Variants in DBX2 observed in about 807,000 individuals in gnomAD.
The protein encoded by DBX2 is homeobox protein DBX2.
In DBX2, 16 loss-of-function variants were observed where a neutral mutation model predicts 17.7. That is an observed-to-expected ratio of 0.90 (90% CI 0.61 to 1.37). The LOEUF (loss-of-function observed/expected upper bound fraction) is 1.37. DBX2 is among the 40% of genes most tolerant of loss of function. The pLI is 0.00. For synonymous variants in DBX2, 255 were observed against 183.8 expected (o/e 1.39, Z -3.13); for missense variants, 538 against 433.8 (o/e 1.24, Z -2.13).
chr12:45,048,126 A>T (rs1452336498), intron 1 of DBX2, among the ~76,000 whole-genome samples: 1 of 152,172 alleles, frequency 6.6e-6, no homozygotes, highest in East Asian at 1.9e-4. Context: ...GTAGGTAACA[A>T]AAAATAACGA....
chr12:45,018,520 T>C (rs1263723120), intron 3 of DBX2, among the ~76,000 whole-genome samples: 3 of 152,110 alleles, frequency 2.0e-5, no homozygotes, highest in South Asian at 2.1e-4. Flanking sequence ...ATTATCATGA[T>C]AGTCTTGGGG....
intron 1 of DBX2, among the ~76,000 whole-genome samples, chr12:45,036,854 G>A (rs1264863576): frequency 2.6e-5 from 4 of 152,090 alleles, no homozygotes; most frequent in Non-Finnish European, 2.9e-5. Context: ...GAGTAATCTA[G>A]TCACCCTGAA....
chr12:45,019,524 T>C (rs1946340595), intron 3 of DBX2, among the ~76,000 whole-genome samples: 1 of 152,098 alleles, frequency 6.6e-6, no homozygotes, highest in Non-Finnish European at 1.5e-5. Context: ...CAGTATCTAA[T>C]TTGATACAAT....
At position 45,016,043 on chromosome 12, in the gene DBX2, G is replaced by C. The variant is rs573947571; in HGVS notation, c.*243C>G. On this transcript the variant is annotated 3_prime_UTR_variant, in exon 4 of 4. Transcript: ENST00000332700. ...CATACTCAGAGCAGGGACCGAGCCA[G>C]CTGTTGCTCTCCTTCTTTTCAGTTC... 2.6e-6 allele frequency: 1 copy of C among 387,222 alleles called. No individual in the cohort carries two copies. The highest frequency in any genetic ancestry group is 2.0e-5 in the African/African-American group (1 of 49,030). 24.0% of individuals were successfully genotyped at this position (387,222 alleles called of 1,614,324 possible).
At chr12:45,042,265 A>T (rs1323639635) in intron 1 of DBX2, among the ~76,000 whole-genome samples, 1 of 152,202 alleles carries the variant, frequency 6.6e-6, no homozygotes, top group Non-Finnish European at 1.5e-5. Context: ...ACAGCACATA[A>T]AAAAGCTGTA....
At chr12:45,041,465 T>C (rs952176520) in intron 1 of DBX2, among the ~76,000 whole-genome samples, 4 of 152,228 alleles carry the variant, frequency 2.6e-5, no homozygotes, top group Non-Finnish European at 5.9e-5. Context: ...TGAAGTTTGA[T>C]TTATTTTAAT....
Position 45,050,934 on chromosome 12 carries a change from G to C in DBX2, c.-7C>G. On this transcript the variant is annotated 5_prime_UTR_variant, in exon 1 of 4. Coordinates refer to ENST00000332700, the MANE Select transcript of DBX2 (RefSeq NM_001004329.3). ...CGACCGCGCTGGGGAGCATAGTGCG[G>C]CGCCAACCGGTCTGCTGCGCGCCCG... The C allele has an allele frequency of 6.9e-7, 1 of 1,448,468 alleles. No homozygotes were observed. Among genetic ancestry groups the C allele is most frequent in the Non-Finnish European group, 9.1e-7 (1 of 1,098,606 alleles). The allele number at this position is 1,448,468 out of a possible 1,614,324, so 89.7% of individuals were successfully genotyped here. A position where few individuals can be genotyped will look rare whatever the true frequency, so the allele number is the denominator to read the frequency against.
chr12:45,035,315 A>G (rs1946434002), intron 2 of DBX2, among the ~76,000 whole-genome samples: 1 of 152,178 alleles, frequency 6.6e-6, no homozygotes, highest in Non-Finnish European at 1.5e-5. Context: ...ATAAACTCAA[A>G]TTCCCTGCCT....
In DBX2 at chr12:45,046,289, A is replaced by G. The variant is rs189715086; in HGVS notation, c.403+4236T>C. Among the ~76,000 whole-genome samples, 29 of 152,308 alleles carry G rather than the reference A, an allele frequency of 1.9e-4. No individual in the cohort carries two copies. The East Asian group carries it at 5.2e-3, about 27-fold the overall frequency. On this transcript the variant is annotated intron_variant, in intron 1 of 3. Transcript: ENST00000332700. Reference sequence around the variant, plus strand: ...GGTATGTTGAGCAGATTACAGAAAAATATACAGATATGGAAAGAATATGGT... The same window carrying G: ...GGTATGTTGAGCAGATTACAGAAAAGTATACAGATATGGAAAGAATATGGT...
chr12:45,018,941 C>T (rs532722301), intron 3 of DBX2, among the ~76,000 whole-genome samples: 1 of 149,720 alleles, frequency 6.7e-6, no homozygotes, highest in South Asian at 2.1e-4. Context: ...TTAGAATAGT[C>T]ATTAATAGAA....
chr12:45,023,748 G>T lies in DBX2; in HGVS notation c.646C>A (p.Arg216=), dbSNP rs762514878. Residue 216 remains arginine, a synonymous_variant, in exon 3 of 4, where the codon CGA becomes AGA. Coordinates refer to ENST00000332700, the MANE Select transcript of DBX2 (RefSeq NM_001004329.3). ...QKQKYISKTD[R]KKLAINLGLK... ...CCCAAGTTGATGGCAAGTTTCTTTC[G>T]GTCTGTTTTGCTGATATATTTCTGT... 3 of 1,613,940 alleles carry T rather than the reference G, an allele frequency of 1.9e-6. No individual in the cohort carries two copies. Among genetic ancestry groups the T allele is most frequent in the South Asian group, 1.1e-5 (1 of 91,064 alleles).
In DBX2 at chr12:45,023,950, C is replaced by T. The variant is rs77952175; in HGVS notation, c.500-56G>A. 97 of 1,486,336 alleles carry T rather than the reference C, an allele frequency of 6.5e-5. 1 individual carries two copies. In the African/African-American group the frequency reaches 1.0e-3, roughly 15 times the overall value. 92.1% of individuals were successfully genotyped at this position (1,486,336 alleles called of 1,614,324 possible). On this transcript the variant is annotated intron_variant, in intron 2 of 3. Transcript: ENST00000332700. ...CAGTTAGCTTTAGAAAGAAGTCAGT[C>T]TTTCCTAGGACAATATGGTATCCTC...
Position 45,036,068 on chromosome 12 carries a change from C to A in DBX2, c.450G>T (p.Ala150=), listed in dbSNP as rs372280888. The A allele has an allele frequency of 2.5e-6, 4 of 1,613,564 alleles. No homozygotes were observed. The highest frequency in any genetic ancestry group is 2.7e-5 in the African/African-American group (2 of 74,898). ...GGCGCCGACAGGACCCACCGCAGCA[C>A]GCCGAGTAGAATGGCGGGGTGCTCA... ...FLLSTPPFYS[A]CCGGSCRRPA... Residue 150 remains alanine, a synonymous_variant, in exon 2 of 4, where the codon GCG becomes GCT. Transcript: ENST00000332700.
intron 1 of DBX2, among the ~76,000 whole-genome samples, chr12:45,040,056 G>T (rs1380444129): frequency 6.6e-6 from 1 of 152,156 alleles, no homozygotes; most frequent in African/African-American, 2.4e-5. Flanking sequence ...CTGGTCCTGG[G>T]TGTGTCTGCA....
At chr12:45,019,972 G>C (rs530380594) in intron 3 of DBX2, among the ~76,000 whole-genome samples, 1 of 152,206 alleles carries the variant, frequency 6.6e-6, no homozygotes, top group South Asian at 2.1e-4. Context: ...ATACTGTTAA[G>C]TAAAAGAAGC....
chr12:45,017,013 T>G (rs191290583), intron 3 of DBX2, among the ~76,000 whole-genome samples: 25 of 152,168 alleles, frequency 1.6e-4, no homozygotes, highest in Admixed American at 1.4e-3. Context: ...CTTGAACTCC[T>G]GAGCTCAAAC....
chr12:45,037,465 C>T (rs908642700), intron 1 of DBX2, among the ~76,000 whole-genome samples: 1 of 152,120 alleles, frequency 6.6e-6, no homozygotes, highest in African/African-American at 2.4e-5. Flanking sequence ...TTAATCCTTC[C>T]CCTGCTTCCT....
At chr12:45,039,280 T>A (rs1946457551) in intron 1 of DBX2, among the ~76,000 whole-genome samples, 1 of 7,570 alleles carries the variant, frequency 1.3e-4, no homozygotes, top group East Asian at 2.8e-3. Flanking sequence ...ATTGAAGGTA[T>A]ATATATATAT....
chr12:45,025,515 T>G lies in DBX2; in HGVS notation c.500-1621A>C, dbSNP rs77006690. ...ATTTGTTACAGCAACAATAGAAAAC[T>G]AATACACTGGGTATCAGGCTCACTG... On this transcript the variant is annotated intron_variant, in intron 2 of 3. Transcript: ENST00000332700. Among the ~76,000 whole-genome samples the G allele has an allele frequency of 9.8e-3, 1,490 of 151,854 alleles. 13 individuals are homozygous for G. Among genetic ancestry groups the G allele is most frequent in the Non-Finnish European group, 0.016 (1,120 of 67,972 alleles).
Sources: allele counts gnomAD v4.1 joint callset (sites outside exome capture counted in the v4.1 genomes callset), GRCh38; gene constraint gnomAD v4.1.1; transcripts MANE v1.5; gene names NCBI Gene and HGNC (gene_info 2026-07-23, HGNC 2026-07-21).